The following CRK variants were observed in gnomAD, a reference collection of about 807,000 sequenced individuals.
CRK encodes the protein adapter molecule crk.
A neutral mutation model predicts 29.8 loss-of-function variants in CRK; 4 were observed. That is an observed-to-expected ratio of 0.13 (90% CI 0.07 to 0.31). CRK has a LOEUF of 0.31. CRK is among the 10% of genes least tolerant of loss of function. The pLI is 1.00. For missense variants in CRK, 274 were observed against 396.5 expected (o/e 0.69, Z 2.62); for synonymous variants, 153 against 164.9 (o/e 0.93, Z 0.55).
intron 2 of CRK, among the ~76,000 whole-genome samples, chr17:1,435,415 G>A (rs573838756): frequency 1.3e-4 from 20 of 150,852 alleles, no homozygotes; most frequent in Middle Eastern, 6.8e-3. Context: ...AATGTCAAGA[G>A]TTACATCTAG....
At chr17:1,437,573 G>C (rs1270551630) in intron 1 of CRK, among the ~76,000 whole-genome samples, 1 of 152,008 alleles carries the variant, frequency 6.6e-6, no homozygotes, top group Non-Finnish European at 1.5e-5. Context: ...CTTGATCAAC[G>C]ACGGGGGCTT....
chr17:1,435,435 A>T (rs2073879407), intron 2 of CRK, among the ~76,000 whole-genome samples: 1 of 149,346 alleles, frequency 6.7e-6, no homozygotes, highest in Non-Finnish European at 1.5e-5. Context: ...GTGACTCAGT[A>T]AGGCCAGATA....
At position 1,420,897 on chromosome 17, in the gene CRK, G is replaced by C. The variant is rs2073718032; in HGVS notation, c.*2616C>G. On this transcript the variant is annotated 3_prime_UTR_variant, in exon 3 of 3. Transcript: ENST00000300574. ...TATCACCTATTTCAAACCATTAACAGTGAAATGTTACTTGTGGATAATTAA... is the reference window on the plus strand; with the variant it reads ...TATCACCTATTTCAAACCATTAACACTGAAATGTTACTTGTGGATAATTAA... 1 of 151,966 alleles carries C rather than the reference G, an allele frequency of 6.6e-6. No homozygotes were observed. The highest frequency in any genetic ancestry group is 1.5e-5 in the Non-Finnish European group (1 of 68,012). 9.4% of individuals were successfully genotyped at this position (151,966 alleles called of 1,614,324 possible). A position where few individuals can be genotyped will look rare whatever the true frequency, so the allele number is the denominator to read the frequency against.
chr17:1,423,129 G>A lies in CRK; in HGVS notation c.*384C>T. 1 of 432,968 alleles carries A rather than the reference G, an allele frequency of 2.3e-6. No homozygotes were observed. The highest frequency in any genetic ancestry group is 4.1e-6 in the Non-Finnish European group (1 of 246,868). The allele number at this position is 432,968 out of a possible 1,614,324, so 26.8% of individuals were successfully genotyped here. A position where few individuals can be genotyped will look rare whatever the true frequency, so the allele number is the denominator to read the frequency against. On this transcript the variant is annotated 3_prime_UTR_variant, in exon 3 of 3. Transcript: ENST00000300574. ...CAGTCTGTCGCCATTTGATAGTATG[G>A]TTCCAGAATGAAAACAAAACCACTG...
chr17:1,454,760 G>A (rs1256006210), intron 1 of CRK, among the ~76,000 whole-genome samples: 9 of 152,144 alleles, frequency 5.9e-5, no homozygotes, highest in Non-Finnish European at 1.2e-4. Flanking sequence ...CTGTTACACA[G>A]GTACACATAC....
chr17:1,444,593 A>AGC (rs2073959153), intron 1 of CRK, among the ~76,000 whole-genome samples: 1 of 50,948 alleles, frequency 2.0e-5, no homozygotes, highest in Non-Finnish European at 3.8e-5. Flanking sequence ...GGGAAGCCGA[A>AGC]GCGGGGGGGG....
intron 1 of CRK, among the ~76,000 whole-genome samples, chr17:1,446,590 CTTTTT>C (rs56660089): frequency 3.2e-5 from 4 of 125,450 alleles, no homozygotes; most frequent in Admixed American, 9.1e-5. Flanking sequence ...CTCACTATGA[CTTTTT>C]TTTTTTTTTT....
At chr17:1,454,409 G>A (rs1489675636) in intron 1 of CRK, among the ~76,000 whole-genome samples, 2 of 152,020 alleles carry the variant, frequency 1.3e-5, no homozygotes, top group South Asian at 2.1e-4. Context: ...TTATGGTGGC[G>A]GGTGCCTGTA....
chr17:1,431,270 G>A (rs1045171250), intron 2 of CRK, among the ~76,000 whole-genome samples: 8 of 152,150 alleles, frequency 5.3e-5, no homozygotes, highest in Non-Finnish European at 1.2e-4. Context: ...ACTCTGGCTG[G>A]AGGAGGGCAG....
At chr17:1,425,382 A>G (rs991061478) in intron 2 of CRK, among the ~76,000 whole-genome samples, 18 of 151,946 alleles carry the variant, frequency 1.2e-4, no homozygotes, top group East Asian at 5.8e-4. Flanking sequence ...GTGAGCCACC[A>G]CGCCTGGCCA....
chr17:1,446,326 G>C (rs891908779), intron 1 of CRK, among the ~76,000 whole-genome samples: 10 of 152,122 alleles, frequency 6.6e-5, no homozygotes, highest in Admixed American at 3.3e-4. Context: ...ATCGCCATGA[G>C]CAACTACGAC....
intron 1 of CRK, among the ~76,000 whole-genome samples, chr17:1,455,281 C>T (rs911962458): frequency 6.6e-6 from 1 of 152,118 alleles, no homozygotes; most frequent in African/African-American, 2.4e-5. Flanking sequence ...ACTTAGTTCA[C>T]CACCTTCGTC....
At position 1,422,037 on chromosome 17, in the gene CRK, TAAAC is replaced by T. The variant is rs1014812208; in HGVS notation, c.*1472_*1475del. On this transcript the variant is annotated 3_prime_UTR_variant, in exon 3 of 3. Transcript: ENST00000300574. ...TGGGTTTGTAAACTAAACCTGAACA[TAAAC>T]AAAGAGCCAAAAATGAAGGCAGTTT... 3 of 151,930 alleles carry T rather than the reference TAAAC, an allele frequency of 2.0e-5. No individual in the cohort carries two copies. The highest frequency in any genetic ancestry group is 4.4e-5 in the Non-Finnish European group (3 of 68,010). The allele number at this position is 151,930 out of a possible 1,614,324, so 9.4% of individuals were successfully genotyped here. A position where few individuals can be genotyped will look rare whatever the true frequency, so the allele number is the denominator to read the frequency against.
At chr17:1,454,402 T>C (rs559342126) in intron 1 of CRK, among the ~76,000 whole-genome samples, 19 of 152,236 alleles carry the variant, frequency 1.2e-4, no homozygotes, top group African/African-American at 4.1e-4. Context: ...TAGCTGGTTA[T>C]GGTGGCGGGT....
Position 1,422,081 on chromosome 17 carries a change from T to C in CRK, c.*1432A>G, listed in dbSNP as rs2073730821. 2 of 152,012 alleles carry C rather than the reference T, an allele frequency of 1.3e-5. No individual in the cohort carries two copies. The highest frequency in any genetic ancestry group is 4.8e-5 in the African/African-American group (2 of 41,396). The allele number at this position is 152,012 out of a possible 1,614,324, so 9.4% of individuals were successfully genotyped here. On this transcript the variant is annotated 3_prime_UTR_variant, in exon 3 of 3. Transcript: ENST00000300574. ...GAAGGCAGTTTACAATGTAATGTTC[T>C]TCAACAGCATTACTCTCCCCATGAG...
chr17:1,428,476 G>C (rs1240749594), intron 2 of CRK, among the ~76,000 whole-genome samples: 2 of 150,982 alleles, frequency 1.3e-5, no homozygotes, highest in African/African-American at 2.4e-5. Context: ...GATGTTATTG[G>C]GGAAAGGAAC....
chr17:1,429,959 A>C (rs935758367), intron 2 of CRK, among the ~76,000 whole-genome samples: 3 of 151,968 alleles, frequency 2.0e-5, no homozygotes, highest in African/African-American at 7.2e-5. Context: ...CAAAAACACG[A>C]ATCTTTTCTT....
intron 1 of CRK, among the ~76,000 whole-genome samples, chr17:1,442,292 C>A (rs1422403779): frequency 6.6e-6 from 1 of 151,874 alleles, no homozygotes; most frequent in African/African-American, 2.4e-5. Context: ...GCAACTGGGA[C>A]TATAGGCGCA....
intron 1 of CRK, among the ~76,000 whole-genome samples, chr17:1,441,784 C>T (rs1300347742): frequency 6.6e-6 from 1 of 152,018 alleles, no homozygotes; most frequent in Non-Finnish European, 1.5e-5. Flanking sequence ...GCCACTGTGC[C>T]CGGCCCTTCA....
Sources: gnomAD v4.1 joint callset for allele counts (sites outside exome capture counted in the v4.1 genomes callset) on GRCh38, gnomAD v4.1.1 for gene constraint, MANE v1.5 for transcripts, NCBI Gene and HGNC (gene_info 2026-07-23, HGNC 2026-07-21) for gene names.